CTSH: variants seen among roughly 807,000 people sequenced by gnomAD.
CTSH encodes pro-cathepsin H.
CTSH carries 52 observed loss-of-function variants against 56.3 expected under a neutral mutation model. The observed-to-expected ratio is 0.92, with a 90% CI of 0.74 to 1.16. The LOEUF (loss-of-function observed/expected upper bound fraction) is 1.16, where lower values mean the gene tolerates loss of function less well. Among genes scored for constraint, CTSH ranks in the 50% most tolerant of loss-of-function variants. The pLI is 0.00. For synonymous variants in CTSH, 174 were observed against 155.7 expected (o/e 1.12, Z -0.88); for missense variants, 406 against 424.5 (o/e 0.96, Z 0.38).
Position 78,931,385 on chromosome 15 carries a change from T to G in CTSH, c.548+66A>C, listed in dbSNP as rs74024488. On this transcript the variant is annotated intron_variant, in intron 7 of 11. Coordinates refer to ENST00000220166, the MANE Select transcript of CTSH (RefSeq NM_004390.5). ...TATCTGTGGCAGACCCAGCACACAC[T>G]GGATCCTGTCGAAGCGGTCAGTGGG... 1,304 of 1,603,560 alleles carry G rather than the reference T, an allele frequency of 8.1e-4. 6 individuals carry two copies. The African/African-American group carries it at 0.015, about 19-fold the overall frequency.
At chr15:78,937,092 T>C in intron 3 of CTSH, 1 of 518,120 alleles carries the variant, frequency 1.9e-6, no homozygotes, top group Admixed American at 3.4e-5. Flanking sequence ...TTCTACAGAG[T>C]CTCTTGTAAA....
At chr15:78,925,517 A>G (rs1192214910) in intron 9 of CTSH, 77 bp from the exon 10 acceptor site, 6 of 986,106 alleles carry the variant, frequency 6.1e-6, no homozygotes, top group African/African-American at 1.6e-5. Flanking sequence ...CTTTTGCCTC[A>G]AGCTAGGGGC....
chr15:78,940,107 C>T (rs2055257541), intron 1 of CTSH, among the ~76,000 whole-genome samples: 1 of 152,102 alleles, frequency 6.6e-6, no homozygotes, highest in Non-Finnish European at 1.5e-5. Flanking sequence ...TCACATGTAC[C>T]CCCAAATATG....
At chr15:78,930,999 TACAGCCCTTACAC>T (rs2055047074) in intron 7 of CTSH, among the ~76,000 whole-genome samples, 1 of 152,150 alleles carries the variant, frequency 6.6e-6, no homozygotes, top group African/African-American at 2.4e-5. Flanking sequence ...CCAGGCAAGG[TACAGCCCTTACAC>T]ACAGCCACCT....
At chr15:78,933,496 G>T (rs977474378) in intron 5 of CTSH, 5 of 450,290 alleles carry the variant, frequency 1.1e-5, no homozygotes, top group Middle Eastern at 3.3e-4. Flanking sequence ...TGCCTCCCAG[G>T]TCATCACCCT....
intron 10 of CTSH, among the ~76,000 whole-genome samples, chr15:78,923,371 C>T (rs984506282): frequency 2.0e-5 from 3 of 152,180 alleles, no homozygotes; most frequent in Non-Finnish European, 2.9e-5. Context: ...CTCACTGCAA[C>T]CTTCACCTCC....
chr15:78,931,597 C>T (rs1233459886), intron 6 of CTSH, 91 bp from the exon 7 acceptor site: 47 of 1,604,086 alleles, frequency 2.9e-5, no homozygotes, highest in Non-Finnish European at 4.0e-5. Flanking sequence ...TGAGCCACAT[C>T]TGAGGCCCCG....
chr15:78,939,995 A>G (rs1166646981), intron 1 of CTSH, among the ~76,000 whole-genome samples: 3 of 152,272 alleles, frequency 2.0e-5, no homozygotes, highest in Non-Finnish European at 4.4e-5. Flanking sequence ...GGTTTCTGCC[A>G]CAACTACTCA....
rs1300367862 is a variant in CTSH, at chr15:78,932,426, G to T, written c.438C>A (p.Thr146=). ...CGATCGCAGACTCCAGGGCCCCAGT[G>T]GTGGAGAAAGTCCAGCAACTGCCGC... The part of the protein sequence containing the change: ...GACGSCWTFS[T]TGALESAIAI... Residue 146 remains threonine (T), a synonymous_variant, in exon 6 of 12, where the codon ACC becomes ACA. Transcript: ENST00000220166. 1 of 1,614,064 alleles carries T rather than the reference G, an allele frequency of 6.2e-7. No individual in the cohort carries two copies. Among genetic ancestry groups the T allele is most frequent in the Admixed American group, 1.7e-5 (1 of 60,010 alleles).
rs988985650 is a variant in CTSH, at chr15:78,921,987, C to G, written c.*143G>C. ...GGAACTCCTCCTTGTCTGTAGGTTT[C>G]CAGGCTGGGCACAGAGGTGAGGGCA... On this transcript the variant is annotated 3_prime_UTR_variant, in exon 12 of 12. Coordinates refer to ENST00000220166, the MANE Select transcript of CTSH (RefSeq NM_004390.5). 1.4e-6 allele frequency: 1 copy of G among 706,234 alleles called. No homozygotes were observed. Among genetic ancestry groups the G allele is most frequent in the Admixed American group, 2.6e-5 (1 of 38,046 alleles). 43.7% of individuals were successfully genotyped at this position (706,234 alleles called of 1,614,324 possible).
intron 1 of CTSH, among the ~76,000 whole-genome samples, chr15:78,941,795 C>CA (rs34594037): frequency 0.57 from 68,685 of 121,478 alleles, 19,362 homozygotes; most frequent in Non-Finnish European, 0.69. Context: ...GACTCCGTCT[C>CA]AAAAAAAAAA....
At chr15:78,924,555 G>A (rs1877396840) in intron 10 of CTSH, among the ~76,000 whole-genome samples, 1 of 152,142 alleles carries the variant, frequency 6.6e-6, no homozygotes, top group South Asian at 2.1e-4. Flanking sequence ...GTGTGGGTGA[G>A]AGAAACCCCA....
At chr15:78,924,287 TAGGA>T (rs2054851566) in intron 10 of CTSH, among the ~76,000 whole-genome samples, 1 of 151,914 alleles carries the variant, frequency 6.6e-6, no homozygotes, top group Non-Finnish European at 1.5e-5. Flanking sequence ...CCCCTCAGGG[TAGGA>T]CCCTGGGAAA....
chr15:78,927,303 C>T, intron 9 of CTSH: 1 of 240,894 alleles, frequency 4.2e-6, no homozygotes, highest in East Asian at 1.2e-4. Flanking sequence ...TGTTGTCAGC[C>T]ATGCAGATTG....
chr15:78,928,857 G>A lies in CTSH; in HGVS notation c.630+555C>T, dbSNP rs140851956. 4.3e-3 allele frequency among the ~76,000 whole-genome samples: 657 copies of A among 152,306 alleles called. 7 individuals are homozygous for A. Among genetic ancestry groups the A allele is most frequent in the African/African-American group, 0.015 (636 of 41,568 alleles). On this transcript the variant is annotated intron_variant, in intron 8 of 11. Transcript: ENST00000220166. ...GGTGGAGAGGGGGACCGGCCCAACA[G>A]GACTGTGGACACCTGGGAAATTCTG...
chr15:78,927,287 TTTGACTG>T (rs2141524822), intron 9 of CTSH: 2 of 223,182 alleles, frequency 9.0e-6, no homozygotes, highest in East Asian at 2.6e-4. Flanking sequence ...CCACACACCC[TTTGACTG>T]TTGTCAGCCA....
chr15:78,935,659 G>A (rs1474874842), intron 4 of CTSH, 21 bp downstream of exon 4: 3 of 1,584,160 alleles, frequency 1.9e-6, no homozygotes, highest in Non-Finnish European at 2.6e-6. Context: ...TTCAGATTTG[G>A]TTGCAATGAA....
Position 78,932,342 on chromosome 15 carries a change from G to A in CTSH, c.492+30C>T, listed in dbSNP as rs573645982. 1.2e-5 allele frequency: 19 copies of A among 1,601,144 alleles called. 1 individual carries two copies. Among genetic ancestry groups the A allele is most frequent in the African/African-American group, 1.1e-4 (8 of 74,670 alleles). ...CCCACATCAGGATGGGGTGTCCTCC[G>A]CAGGGGGTCGCCTGTGGCTGATTTC... On this transcript the variant is annotated intron_variant, in intron 6 of 11. Coordinates refer to ENST00000220166, the MANE Select transcript of CTSH (RefSeq NM_004390.5).
Position 78,922,166 on chromosome 15 carries a change from C to T in CTSH, c.972G>A (p.Leu324=). 6.3e-7 allele frequency: 1 copy of T among 1,582,760 alleles called. No homozygotes were observed. The highest frequency in any genetic ancestry group is 8.6e-7 in the Non-Finnish European group (1 of 1,165,254). The stretch of plus-strand genomic sequence containing the variant: ...GGATGGGGTAGGAGGCGCAGGCAGC[C>T]AGGCCACACATGTTCTTTCCGCGCT... ...LIERGKNMCG[L]AACASYPIPL... is the part of the protein sequence containing the mutation. The change falls in exon 12 of 12, where the codon CTG becomes CTA. Residue 324 remains leucine, a synonymous_variant. Transcript: ENST00000220166.
Sources: gnomAD v4.1 joint callset for allele counts (sites outside exome capture counted in the v4.1 genomes callset) on GRCh38, gnomAD v4.1.1 for gene constraint, MANE v1.5 for transcripts, NCBI Gene and HGNC (gene_info 2026-07-23, HGNC 2026-07-21) for gene names.